Variants in DPP10 observed in about 807,000 individuals in gnomAD.
The protein encoded by DPP10 is dipeptidyl peptidase like 10.
A neutral mutation model predicts 120.9 loss-of-function variants in DPP10; 33 were observed. The ratio of observed to expected loss-of-function variants is 0.27; its 90% CI spans 0.21 to 0.37. The LOEUF is 0.37. Among genes scored for constraint, DPP10 ranks in the 10% least tolerant of loss-of-function variants. DPP10 has a pLI of 1.00. For synonymous variants in DPP10, 337 were observed against 326.1 expected (o/e 1.03, Z -0.36); for missense variants, 816 against 942.8 (o/e 0.87, Z 1.76).
intron 1 of DPP10, among the ~76,000 whole-genome samples, chr2:114,707,641 G>T (rs1157785010): frequency 6.6e-6 from 1 of 152,164 alleles, no homozygotes; most frequent in African/African-American, 2.4e-5. Context: ...AGTCTTGCTA[G>T]CCCTTTGGGT....
At chr2:115,053,848 A>G (rs1029840799) in intron 1 of DPP10, among the ~76,000 whole-genome samples, 6 of 152,216 alleles carry the variant, frequency 3.9e-5, no homozygotes, top group African/African-American at 1.4e-4. Context: ...TTTTACTAGG[A>G]TATAAGCATT....
chr2:115,705,413 A>G (rs1287622438), intron 7 of DPP10, among the ~76,000 whole-genome samples: 5 of 151,992 alleles, frequency 3.3e-5, no homozygotes, highest in African/African-American at 1.2e-4. Context: ...GCACACACAC[A>G]CATTCACACA....
intron 1 of DPP10, among the ~76,000 whole-genome samples, chr2:114,491,127 T>C (rs1428642630): frequency 6.6e-6 from 1 of 152,182 alleles, no homozygotes; most frequent in Non-Finnish European, 1.5e-5. Context: ...AAACCAATTA[T>C]ACCTGATGGA....
intron 1 of DPP10, among the ~76,000 whole-genome samples, chr2:114,658,797 G>C (rs1438538830): frequency 6.6e-6 from 1 of 152,064 alleles, no homozygotes; most frequent in Non-Finnish European, 1.5e-5. Flanking sequence ...ATATCTTCTG[G>C]AATGTGAGCA....
chr2:115,526,442 G>C (rs1158017864), intron 5 of DPP10: 1 of 152,408 alleles, frequency 6.6e-6, no homozygotes, highest in Non-Finnish European at 1.5e-5. Flanking sequence ...GCTTGGGGTT[G>C]TAGAAAATTT....
chr2:114,903,831 G>T (rs1345384611), intron 1 of DPP10, among the ~76,000 whole-genome samples: 2 of 152,202 alleles, frequency 1.3e-5, no homozygotes, highest in African/African-American at 4.8e-5. Flanking sequence ...TCAAGGAAAA[G>T]CTGTGTTAGA....
intron 1 of DPP10, among the ~76,000 whole-genome samples, chr2:114,806,535 C>T (rs7574834): frequency 0.013 from 2,003 of 152,144 alleles, 40 homozygotes; most frequent in African/African-American, 0.04. Context: ...GCTTTTTTGT[C>T]GTAATACCTG....
intron 1 of DPP10, among the ~76,000 whole-genome samples, chr2:114,823,236 C>T (rs1488516379): frequency 6.6e-6 from 1 of 152,126 alleles, no homozygotes; most frequent in East Asian, 1.9e-4. Context: ...GAACTCTTTG[C>T]AGGGAGGCAG....
intron 5 of DPP10, among the ~76,000 whole-genome samples, chr2:115,562,675 G>T (rs2149056285): frequency 6.6e-6 from 1 of 151,864 alleles, no homozygotes; most frequent in Non-Finnish European, 1.5e-5. Flanking sequence ...ATCAAATCTG[G>T]GTTTTATTCA....
intron 1 of DPP10, among the ~76,000 whole-genome samples, chr2:114,998,425 A>G (rs1256904536): frequency 1.3e-5 from 2 of 152,184 alleles, no homozygotes; most frequent in Non-Finnish European, 2.9e-5. Context: ...ATTAGGCAGT[A>G]TGCATTTAGT....
chr2:115,641,609 G>A (rs1317221435), intron 5 of DPP10, among the ~76,000 whole-genome samples: 5 of 152,078 alleles, frequency 3.3e-5, no homozygotes, highest in Admixed American at 1.3e-4. Context: ...GAGTCTCTAT[G>A]TGTATTATTA....
intron 5 of DPP10, among the ~76,000 whole-genome samples, chr2:115,637,951 A>T (rs980158587): frequency 6.6e-6 from 1 of 152,238 alleles, no homozygotes; most frequent in Admixed American, 6.5e-5. Flanking sequence ...TCATGAAACT[A>T]AGAGGGTAAC....
intron 1 of DPP10, among the ~76,000 whole-genome samples, chr2:115,101,028 C>A (rs747577537): frequency 3.9e-5 from 6 of 152,174 alleles, no homozygotes; most frequent in African/African-American, 4.8e-5. Context: ...GCTGAGCCAA[C>A]TCCCCTGTGA....
rs540514568 is a variant in DPP10, at chr2:115,381,062, T to A, written c.271+37150T>A. On this transcript the variant is annotated intron_variant, in intron 3 of 25. Coordinates refer to ENST00000410059, the MANE Select transcript of DPP10 (RefSeq NM_020868.6). ...TTGCTCTTCTCGTGGAGTATCTTTG[T>A]GGCATTCTCTGTATTTCCTGAATCT... Among the ~76,000 whole-genome samples, 7 of 152,320 alleles carry A rather than the reference T, an allele frequency of 4.6e-5. No homozygotes were observed. The South Asian group carries it at 1.5e-3, about 32-fold the overall frequency.
intron 1 of DPP10, among the ~76,000 whole-genome samples, chr2:114,522,783 A>G (rs1339269071): frequency 6.6e-6 from 1 of 152,214 alleles, no homozygotes; most frequent in African/African-American, 2.4e-5. Context: ...CAATCACGGC[A>G]GAAGGCAAGG....
At chr2:115,064,750 A>G (rs1264672522) in intron 1 of DPP10, 9 of 1,304,112 alleles carry the variant, frequency 6.9e-6, no homozygotes, top group Admixed American at 2.3e-5. Context: ...GTTATAGTCC[A>G]CTTAGCAATG....
chr2:114,859,085 G>A (rs1689597473), intron 1 of DPP10, among the ~76,000 whole-genome samples: 1 of 151,994 alleles, frequency 6.6e-6, no homozygotes, highest in Non-Finnish European at 1.5e-5. Flanking sequence ...TCAGCACTTT[G>A]GGAGACTAAG....
At chr2:115,413,377 G>T (rs1267781703) in intron 3 of DPP10, among the ~76,000 whole-genome samples, 1 of 152,110 alleles carries the variant, frequency 6.6e-6, no homozygotes, top group East Asian at 1.9e-4. Context: ...TAAAATCCAT[G>T]AAATTAAGGG....
chr2:115,763,078 C>T (rs1453781988), intron 12 of DPP10, among the ~76,000 whole-genome samples: 3 of 152,098 alleles, frequency 2.0e-5, no homozygotes, highest in Admixed American at 1.3e-4. Context: ...ACATGACGGA[C>T]TAAAAACCTA....
Sources: gnomAD v4.1 joint callset for allele counts (sites outside exome capture counted in the v4.1 genomes callset) on GRCh38, gnomAD v4.1.1 for gene constraint, MANE v1.5 for transcripts, NCBI Gene and HGNC (gene_info 2026-07-23, HGNC 2026-07-21) for gene names.